The following GUCY1A2 variants were observed in gnomAD, a reference collection of about 807,000 sequenced individuals.
The protein encoded by GUCY1A2 is guanylate cyclase soluble subunit alpha-2.
Under a neutral mutation model 63.5 loss-of-function variants are expected in GUCY1A2, and 27 were observed. That is an observed-to-expected ratio of 0.43 (90% CI 0.31 to 0.59). The LOEUF is 0.59. GUCY1A2 is among the 20% of genes least tolerant of loss of function. The pLI is 0.11. For missense variants in GUCY1A2, 768 were observed against 913.3 expected (o/e 0.84, Z 2.05); for synonymous variants, 364 against 343.5 (o/e 1.06, Z -0.66).
chr11:106,693,308 C>T (rs905016485), intron 7 of GUCY1A2, among the ~76,000 whole-genome samples: 74 of 152,096 alleles, frequency 4.9e-4, no homozygotes, highest in African/African-American at 1.7e-3. Flanking sequence ...TGACTTTCTC[C>T]TCAGTATTTG....
In GUCY1A2 at chr11:106,679,156, G is replaced by A. The variant is rs1307145237; in HGVS notation, c.*8393C>T. ...ATAATTTTGATTAAAAATTGCTCAG[G>A]TTTGTTCCCTCCTTTTAAAGTTTCT... On this transcript the variant is annotated 3_prime_UTR_variant, in exon 8 of 8. Transcript: ENST00000526355. The A allele has an allele frequency of 1.1e-5, 2 of 185,926 alleles. No individual in the cohort carries two copies. The highest frequency in any genetic ancestry group is 2.3e-5 in the African/African-American group (1 of 42,632). The allele number at this position is 185,926 out of a possible 1,614,324, so 11.5% of individuals were successfully genotyped here. A position where few individuals can be genotyped will look rare whatever the true frequency, so the allele number is the denominator to read the frequency against.
intron 6 of GUCY1A2, among the ~76,000 whole-genome samples, chr11:106,738,854 G>A (rs1337363003): frequency 1.3e-5 from 2 of 151,926 alleles, no homozygotes; most frequent in African/African-American, 4.8e-5. Context: ...CTTTTTGCTT[G>A]GGATTGTCTT....
intron 6 of GUCY1A2, among the ~76,000 whole-genome samples, chr11:106,718,091 C>T (rs1863248443): frequency 6.6e-6 from 1 of 152,120 alleles, no homozygotes; most frequent in Non-Finnish European, 1.5e-5. Flanking sequence ...CAGAATGTCA[C>T]ATCAAGTAAT....
At chr11:106,892,450 C>T (rs1859987030) in intron 4 of GUCY1A2, among the ~76,000 whole-genome samples, 1 of 152,074 alleles carries the variant, frequency 6.6e-6, no homozygotes, top group South Asian at 2.1e-4. Flanking sequence ...GAAATTATAG[C>T]AGAACTGTTA....
At chr11:106,770,271 TGTAAATAATGA>T (rs1441938823) in intron 6 of GUCY1A2, among the ~76,000 whole-genome samples, 2 of 152,102 alleles carry the variant, frequency 1.3e-5, no homozygotes, top group Admixed American at 6.5e-5. Flanking sequence ...TGTAACGTGT[TGTAAATAATGA>T]GTAAATAGTT....
chr11:106,880,115 T>C (rs779895647), intron 4 of GUCY1A2, among the ~76,000 whole-genome samples: 11 of 152,054 alleles, frequency 7.2e-5, no homozygotes, highest in Non-Finnish European at 1.5e-4. Flanking sequence ...TGACCCTGTA[T>C]GGCAGATGCA....
At chr11:106,857,329 G>A (rs1266885266) in intron 4 of GUCY1A2, among the ~76,000 whole-genome samples, 4 of 151,960 alleles carry the variant, frequency 2.6e-5, no homozygotes, top group Admixed American at 6.6e-5. Flanking sequence ...TCTTACACAG[G>A]CTCTAATCTC....
At chr11:106,896,627 G>A (rs1407971104) in intron 4 of GUCY1A2, among the ~76,000 whole-genome samples, 1 of 152,060 alleles carries the variant, frequency 6.6e-6, no homozygotes, top group Non-Finnish European at 1.5e-5. Context: ...CTTATAAAAG[G>A]GCTCAAGGGT....
intron 4 of GUCY1A2, among the ~76,000 whole-genome samples, chr11:106,817,406 G>T (rs190339768): frequency 2.0e-4 from 31 of 151,650 alleles, no homozygotes; most frequent in East Asian, 1.2e-3. Flanking sequence ...ACTACTAAAA[G>T]AAAACATAGA....
intron 5 of GUCY1A2, among the ~76,000 whole-genome samples, chr11:106,800,753 G>T (rs1864860776): frequency 6.6e-6 from 1 of 152,182 alleles, no homozygotes; most frequent in South Asian, 2.1e-4. Flanking sequence ...TAGGGGGAAG[G>T]GGGAGGGATA....
At chr11:106,982,606 A>T (rs1279980401) in intron 2 of GUCY1A2, among the ~76,000 whole-genome samples, 1 of 152,206 alleles carries the variant, frequency 6.6e-6, no homozygotes, top group African/African-American at 2.4e-5. Context: ...GAGATACTTT[A>T]GACGGGGTGA....
chr11:106,713,126 C>A (rs969841100), intron 6 of GUCY1A2, among the ~76,000 whole-genome samples: 4 of 152,284 alleles, frequency 2.6e-5, no homozygotes, highest in African/African-American at 9.6e-5. Context: ...CCTCTCAAGG[C>A]ATTTAGCTAG....
chr11:106,961,967 C>T lies in GUCY1A2; in HGVS notation c.487+16652G>A, dbSNP rs530004140. ...ATTCTGCTGTCTGTAGAGCTGACTA[C>T]TAACATCCCTGTTTCACTACTCAGA... On this transcript the variant is annotated intron_variant, in intron 3 of 7. Transcript: ENST00000526355. Among the ~76,000 whole-genome samples the T allele has an allele frequency of 6.6e-5, 10 of 152,314 alleles. No individual in the cohort carries two copies. In the South Asian group the frequency reaches 2.1e-3, roughly 32 times the overall value.
chr11:106,682,590 T>C lies in GUCY1A2; in HGVS notation c.*4959A>G, dbSNP rs1360423534. On this transcript the variant is annotated 3_prime_UTR_variant, in exon 8 of 8. Transcript: ENST00000526355. ...CTTAACTGAAACCGTGATCTGGTTA[T>C]AACATATTAGAAATAAAGACACAAA... The C allele has an allele frequency of 4.7e-6, 1 of 212,776 alleles. No individual in the cohort carries two copies. Among genetic ancestry groups the C allele is most frequent in the Non-Finnish European group, 9.5e-6 (1 of 105,196 alleles). 13.2% of individuals were successfully genotyped at this position (212,776 alleles called of 1,614,324 possible).
chr11:106,995,140 G>A (rs1861518612), intron 1 of GUCY1A2, among the ~76,000 whole-genome samples: 1 of 152,138 alleles, frequency 6.6e-6, no homozygotes, highest in Admixed American at 6.5e-5. Flanking sequence ...AGATGGCATA[G>A]GGCTGATTCA....
chr11:106,862,664 T>C (rs1250753358), intron 4 of GUCY1A2, among the ~76,000 whole-genome samples: 1 of 152,008 alleles, frequency 6.6e-6, no homozygotes, highest in Non-Finnish European at 1.5e-5. Context: ...CCGTTTTTGC[T>C]AGATTAATGG....
intron 4 of GUCY1A2, among the ~76,000 whole-genome samples, chr11:106,920,820 T>C (rs1447186142): frequency 2.6e-5 from 4 of 152,102 alleles, no homozygotes; most frequent in Non-Finnish European, 4.4e-5. Context: ...TTTAAAAATC[T>C]ATACTTCACG....
At chr11:106,795,031 C>T (rs991259969) in intron 5 of GUCY1A2, among the ~76,000 whole-genome samples, 2 of 152,118 alleles carry the variant, frequency 1.3e-5, no homozygotes, top group African/African-American at 2.4e-5. Context: ...TATGAATAGA[C>T]AAATTCCAAA....
At chr11:106,960,753 G>A (rs1409041001) in intron 3 of GUCY1A2, among the ~76,000 whole-genome samples, 2 of 152,096 alleles carry the variant, frequency 1.3e-5, no homozygotes, top group African/African-American at 4.8e-5. Flanking sequence ...GTGCACGTGA[G>A]TATGTTAAAT....
Sources: gnomAD v4.1 joint callset for allele counts (sites outside exome capture counted in the v4.1 genomes callset) on GRCh38, gnomAD v4.1.1 for gene constraint, MANE v1.5 for transcripts, NCBI Gene and HGNC (gene_info 2026-07-23, HGNC 2026-07-21) for gene names.